CDC42SE2: variants seen among roughly 807,000 people sequenced by gnomAD.
The protein encoded by CDC42SE2 is CDC42 small effector protein 2.
Under a neutral mutation model 11.5 loss-of-function variants are expected in CDC42SE2, and 3 were observed. The ratio of observed to expected loss-of-function variants is 0.26; its 90% CI spans 0.12 to 0.67. The LOEUF is 0.67. Ranked by LOEUF, CDC42SE2 falls within the 30% of genes least tolerant of loss-of-function variation. CDC42SE2 has a pLI of 0.80. For synonymous variants in CDC42SE2, 33 were observed against 34.8 expected (o/e 0.95, Z 0.18); for missense variants, 82 against 106.8 (o/e 0.77, Z 1.02).
intron 2 of CDC42SE2, among the ~76,000 whole-genome samples, chr5:131,319,618 A>C (rs1316359486): frequency 6.6e-6 from 1 of 152,208 alleles, no homozygotes; most frequent in African/African-American, 2.4e-5. Context: ...GACCATCGTA[A>C]TTCAGTATCT....
chr5:131,360,122 A>G (rs17167276), intron 3 of CDC42SE2, among the ~76,000 whole-genome samples: 3,382 of 152,032 alleles, frequency 0.022, 126 homozygotes, highest in African/African-American at 0.076. Context: ...CCAGCCTCCA[A>G]ATTCTGTTTT....
the CDC42SE2 span, among the ~76,000 whole-genome samples, chr5:131,238,154 G>A: frequency 7.3e-5 from 11 of 150,992 alleles, no homozygotes; most frequent in Non-Finnish European, 1.5e-4. Context: ...GTGAGGGCAA[G>A]GGGAGGGAGA....
Position 131,394,416 on chromosome 5 carries a change from A to C in CDC42SE2, c.*3325A>C, listed in dbSNP as rs1750790479. The C allele has an allele frequency of 6.6e-6, 1 of 152,374 alleles. No homozygotes were observed. Among genetic ancestry groups the C allele is most frequent in the Non-Finnish European group, 1.5e-5 (1 of 68,036 alleles). The allele number at this position is 152,374 out of a possible 1,614,324, so 9.4% of individuals were successfully genotyped here. On this transcript the variant is annotated 3_prime_UTR_variant, in exon 5 of 5. Transcript: ENST00000505065. Reference sequence around the variant, plus strand: ...CAGCATTATCAGTGGGCCTTTAAAAATACTTCGTAAGTACATTAGCTTTCA... The same window carrying C: ...CAGCATTATCAGTGGGCCTTTAAAACTACTTCGTAAGTACATTAGCTTTCA...
chr5:131,371,671 A>G (rs1750015475), intron 3 of CDC42SE2, among the ~76,000 whole-genome samples: 3 of 152,226 alleles, frequency 2.0e-5, no homozygotes, highest in African/African-American at 7.2e-5. Context: ...TAATTAGTAA[A>G]CTAAGTTAAG....
intron 1 of CDC42SE2, among the ~76,000 whole-genome samples, chr5:131,310,541 G>T (rs1344115366): frequency 6.6e-6 from 1 of 151,946 alleles, no homozygotes; most frequent in East Asian, 1.9e-4. Flanking sequence ...AATGTTGACA[G>T]TGGGGTGTTA....
At chr5:131,294,676 A>G (rs912935335) in intron 1 of CDC42SE2, among the ~76,000 whole-genome samples, 1 of 152,176 alleles carries the variant, frequency 6.6e-6, no homozygotes, top group Non-Finnish European at 1.5e-5. Flanking sequence ...GCAAAGAAAG[A>G]GTTCAGTGAA....
chr5:131,385,574 T>C lies in CDC42SE2; in HGVS notation c.86T>C (p.Ile29Thr). The C allele has an allele frequency of 6.2e-7, 1 of 1,613,790 alleles. No individual in the cohort carries two copies. The highest frequency in any genetic ancestry group is 8.5e-7 in the Non-Finnish European group (1 of 1,179,802). Residue 29 changes from isoleucine to threonine, a missense_variant, in exon 4 of 5, where the codon ATT (isoleucine) becomes ACT (threonine). Transcript: ENST00000505065. Reference protein sequence around the residue: ...KRRRRIDRSMIGEPTNFVHTA... With the variant: ...KRRRRIDRSMTGEPTNFVHTA... ...CGACGGCGGATTGACAGAAGTATGA[T>C]TGGAGAGCCCACAAACTTTGTGCAT...
At chr5:131,294,501 T>G (rs888043552) in intron 1 of CDC42SE2, among the ~76,000 whole-genome samples, 2 of 152,182 alleles carry the variant, frequency 1.3e-5, no homozygotes, top group African/African-American at 4.8e-5. Flanking sequence ...AAAGTTCTTG[T>G]GTTTATGGAG....
intron 1 of CDC42SE2, among the ~76,000 whole-genome samples, chr5:131,269,523 C>T (rs1206052409): frequency 1.3e-5 from 2 of 151,030 alleles, no homozygotes; most frequent in Non-Finnish European, 3.0e-5. Flanking sequence ...AATCCCAGCA[C>T]TTTGGGTGGC....
chr5:131,304,614 T>G (rs1757746138), intron 1 of CDC42SE2, among the ~76,000 whole-genome samples: 1 of 152,254 alleles, frequency 6.6e-6, no homozygotes, highest in Non-Finnish European at 1.5e-5. Context: ...TACTCTGGAC[T>G]ATAATTGAAT....
At chr5:131,249,426 A>G (rs1187359076) in intron 1 of CDC42SE2, among the ~76,000 whole-genome samples, 2 of 152,224 alleles carry the variant, frequency 1.3e-5, no homozygotes, top group Non-Finnish European at 2.9e-5. Flanking sequence ...GCAGCAAAAA[A>G]TAAATTAACC....
chr5:131,336,802 G>T (rs1442235485), intron 2 of CDC42SE2, among the ~76,000 whole-genome samples: 2 of 152,164 alleles, frequency 1.3e-5, no homozygotes, highest in Non-Finnish European at 2.9e-5. Flanking sequence ...TAGTCCTTGT[G>T]CTGTGGTTTT....
At chr5:131,269,443 G>A (rs1756945489) in intron 1 of CDC42SE2, among the ~76,000 whole-genome samples, 1 of 152,086 alleles carries the variant, frequency 6.6e-6, no homozygotes, top group South Asian at 2.1e-4. Context: ...TATTTAATCT[G>A]TATGATCGAA....
chr5:131,349,666 A>T (rs555204133), intron 2 of CDC42SE2, among the ~76,000 whole-genome samples: 1 of 152,316 alleles, frequency 6.6e-6, no homozygotes, highest in African/African-American at 2.4e-5. Flanking sequence ...GGCAAAATCC[A>T]TTGGGAACAA....
intron 1 of CDC42SE2, among the ~76,000 whole-genome samples, chr5:131,286,385 G>GTTTTT (rs33983324): frequency 4.3e-5 from 5 of 115,058 alleles, no homozygotes; most frequent in African/African-American, 6.9e-5. Flanking sequence ...CACCTGGCCA[G>GTTTTT]TTTTTTTTTT....
intron 1 of CDC42SE2, among the ~76,000 whole-genome samples, chr5:131,303,714 G>A (rs1757727945): frequency 1.3e-5 from 2 of 152,192 alleles, no homozygotes; most frequent in Admixed American, 6.5e-5. Context: ...ACAGAAAGAT[G>A]TACTAATAGG....
intron 1 of CDC42SE2, among the ~76,000 whole-genome samples, chr5:131,301,472 T>C (rs1456646917): frequency 6.6e-6 from 1 of 152,192 alleles, no homozygotes; most frequent in South Asian, 2.1e-4. Context: ...TAAAAAATTT[T>C]AAAAGGGCTG....
At chr5:131,390,276 G>T (rs1750610180) in intron 4 of CDC42SE2, among the ~76,000 whole-genome samples, 1 of 152,090 alleles carries the variant, frequency 6.6e-6, no homozygotes, top group South Asian at 2.1e-4. Flanking sequence ...TTTATCTTTG[G>T]TTGGTCCAAT....
At chr5:131,274,524 TCTG>T (rs1757061662) in intron 1 of CDC42SE2, among the ~76,000 whole-genome samples, 1 of 152,258 alleles carries the variant, frequency 6.6e-6, no homozygotes, top group African/African-American at 2.4e-5. Context: ...ACATGCTGCT[TCTG>T]CTGTTTTCTG....
Sources: gnomAD v4.1 joint callset for allele counts (sites outside exome capture counted in the v4.1 genomes callset) on GRCh38, gnomAD v4.1.1 for gene constraint, MANE v1.5 for transcripts, NCBI Gene and HGNC (gene_info 2026-07-23, HGNC 2026-07-21) for gene names.